Variants in KIF23 observed in about 807,000 individuals in gnomAD.
KIF23 encodes the protein kinesin-like protein KIF23.
A neutral mutation model predicts 137.5 loss-of-function variants in KIF23; 30 were observed. That is an observed-to-expected ratio of 0.22 (90% CI 0.16 to 0.30). KIF23 has a LOEUF of 0.30. KIF23 is among the 10% of genes least tolerant of loss of function. The pLI, the probability that KIF23 is intolerant of heterozygous loss-of-function variation, is 1.00. For synonymous variants in KIF23, 367 were observed against 391.1 expected (o/e 0.94, Z 0.73); for missense variants, 920 against 1,194.3 (o/e 0.77, Z 3.38).
At chr15:69,447,492 TG>T (rs761881727) in intron 23 of KIF23, among the ~76,000 whole-genome samples, 30 of 152,160 alleles carry the variant, frequency 2.0e-4, no homozygotes, top group Non-Finnish European at 3.1e-4. Flanking sequence ...CATACATATA[TG>T]TATATCACAT....
At chr15:69,434,475 G>T in intron 11 of KIF23, 2 of 574,190 alleles carry the variant, frequency 3.5e-6, no homozygotes, top group South Asian at 2.0e-5. Flanking sequence ...CAATATTCTG[G>T]CCTTTCCACC....
intron 10 of KIF23, among the ~76,000 whole-genome samples, chr15:69,426,939 T>G (rs1022439767): frequency 1.3e-5 from 2 of 152,134 alleles, no homozygotes; most frequent in African/African-American, 4.8e-5. Flanking sequence ...TGTTACATAG[T>G]GTTTACATTG....
chr15:69,447,475 A>G (rs2057764586), intron 23 of KIF23, among the ~76,000 whole-genome samples: 1 of 152,200 alleles, frequency 6.6e-6, no homozygotes, highest in Non-Finnish European at 1.5e-5. Flanking sequence ...TCCCTTCTTT[A>G]CAAATACATA....
intron 7 of KIF23, among the ~76,000 whole-genome samples, chr15:69,424,588 C>T (rs1220618836): frequency 1.3e-5 from 2 of 152,182 alleles, no homozygotes; most frequent in African/African-American, 4.8e-5. Flanking sequence ...CAGCCAACCT[C>T]CTGGGTTCAG....
At position 69,436,119 on chromosome 15, in the gene KIF23, C is replaced by T; in HGVS notation, c.1315-19C>T. On this transcript the variant is annotated intron_variant, in intron 13 of 23. Coordinates refer to ENST00000679126, the MANE Select transcript of KIF23 (RefSeq NM_001367805.3). ...GATATCCTTATTTTTTTTTAAACTC[C>T]ATTTGTTTTGTGTTTTAGCAAGTCA... is the stretch of plus-strand genomic sequence containing the variant. 1 of 1,596,834 alleles carries T rather than the reference C, an allele frequency of 6.3e-7. No homozygotes were observed. Among genetic ancestry groups the T allele is most frequent in the African/African-American group, 1.4e-5 (1 of 73,652 alleles).
At position 69,426,446 on chromosome 15, in the gene KIF23, A is replaced by G. The variant is rs371566402; in HGVS notation, c.1000A>G (p.Asn334Asp). Residue 334 changes from asparagine to aspartate, a missense_variant, in exon 10 of 24, where the codon AAT becomes GAT. By Grantham distance (23) the Asn-to-Asp change is conservative. Transcript: ENST00000679126. ...VQAPLDADGDNVLQEKEQITI... is the reference protein window; with the variant it reads ...VQAPLDADGDDVLQEKEQITI... ...GGCTCCCTTGGATGCAGATGGAGAC[A>G]ATGTCTTACAGGTAAAGTTGTAGTA... The G allele has an allele frequency of 6.2e-7, 1 of 1,614,098 alleles. No individual in the cohort carries two copies. The highest frequency in any genetic ancestry group is 8.5e-7 in the Non-Finnish European group (1 of 1,179,964).
intron 22 of KIF23, 104 bp downstream of exon 22, chr15:69,446,468 A>G: frequency 2.3e-6 from 2 of 859,248 alleles, no homozygotes; most frequent in Non-Finnish European, 3.8e-6. Flanking sequence ...GCTGAGGTAT[A>G]ATCTCACATT....
chr15:69,446,628 T>A (rs561338330), intron 22 of KIF23: 2 of 616,462 alleles, frequency 3.2e-6, no homozygotes, highest in Admixed American at 2.8e-5. Flanking sequence ...AGCCACCAAC[T>A]CTCTTTGCAA....
At chr15:69,436,308 TTC>T in intron 14 of KIF23, 47 bp downstream of exon 14, 5 of 1,564,102 alleles carry the variant, frequency 3.2e-6, no homozygotes, top group Admixed American at 4.3e-5. Context: ...GTCTGTCTGT[TTC>T]TCTCTTTTTT....
Position 69,444,707 on chromosome 15 carries a change from T to C in KIF23, c.2422-83T>C. ...TTAGCTTTGGAAAGGTTTGCTATGA[T>C]ACTGTCATCAACTAATGTAGCCAAA... On this transcript the variant is annotated intron_variant, in intron 19 of 23. Transcript: ENST00000679126. The surrounding 1 kb of genome is among the most constrained non-coding windows in gnomAD (Gnocchi z 4.2). The C allele has an allele frequency of 7.3e-7, 1 of 1,376,206 alleles. No individual in the cohort carries two copies. Among genetic ancestry groups the C allele is most frequent in the East Asian group, 2.3e-5 (1 of 43,342 alleles). The allele number at this position is 1,376,206 out of a possible 1,614,324, so 85.2% of individuals were successfully genotyped here.
intron 11 of KIF23, chr15:69,434,921 C>T: frequency 1.4e-6 from 1 of 699,194 alleles, no homozygotes; most frequent in Non-Finnish European, 2.5e-6. Context: ...GCTCGTGGTG[C>T]AGGTTGCAGC....
chr15:69,428,677 A>C (rs58085042), intron 10 of KIF23, among the ~76,000 whole-genome samples: 2 of 151,666 alleles, frequency 1.3e-5, no homozygotes, highest in South Asian at 2.1e-4. Flanking sequence ...AAAAAAAAAA[A>C]AAAAAAAACA....
chr15:69,444,851 C>T lies in KIF23; in HGVS notation c.2483C>T (p.Ser828Phe). 1 of 1,614,198 alleles carries T rather than the reference C, an allele frequency of 6.2e-7. No individual in the cohort carries two copies. Among genetic ancestry groups the T allele is most frequent in the Non-Finnish European group, 8.5e-7 (1 of 1,180,030 alleles). ...PIRLRHRRSRSAGDRWVDHKP... is the reference protein window; with the variant it reads ...PIRLRHRRSRFAGDRWVDHKP... ...CGTCTCCGACACAGACGATCACGCT[C>T]TGCAGGAGACAGATGGGTAGATCAT... Residue 828 changes from serine (S) to phenylalanine (F), a missense_variant, in exon 20 of 24, where the codon TCT (serine) becomes TTT (phenylalanine). Physicochemically the swap from Ser to Phe is radical, Grantham distance 155. This residue lies in a region of KIF23 where 714 missense variants were observed against 866.2 expected (regional missense o/e 0.82). Transcript: ENST00000679126. The surrounding 1 kb of genome is among the most constrained non-coding windows in gnomAD (Gnocchi z 4.2).
At chr15:69,419,992 T>G (rs1339981723) in intron 3 of KIF23, among the ~76,000 whole-genome samples, 1 of 152,166 alleles carries the variant, frequency 6.6e-6, no homozygotes, top group African/African-American at 2.4e-5. Flanking sequence ...CTGCCGGGCA[T>G]GATGGTTTAC....
In KIF23 at chr15:69,435,741, C is replaced by T. The variant is rs1051983215; in HGVS notation, c.1284C>T (p.Asn428=). 2 of 1,614,010 alleles carry T rather than the reference C, an allele frequency of 1.2e-6. No homozygotes were observed. The highest frequency in any genetic ancestry group is 2.7e-5 in the African/African-American group (2 of 74,926). The change falls in exon 13 of 24, where the codon AAC becomes AAT. Residue 428 remains asparagine, a synonymous_variant. Transcript: ENST00000679126. ...AAGTGCGGATGATCGTGTGTGTGAA[C>T]CCCAAGGCTGAAGATTATGAAGAAA... The part of the protein sequence containing the change: ...EGKVRMIVCV[N]PKAEDYEENL...
In KIF23 at chr15:69,440,772, C is replaced by T. The variant is rs868704938; in HGVS notation, c.2114C>T (p.Ser705Phe). The T allele has an allele frequency of 2.4e-5, 38 of 1,587,418 alleles. 1 individual carries two copies. In the Middle Eastern group the frequency reaches 6.7e-4, roughly 28 times the overall value. ...ATTTTTCTCCAATTTTTCTAGCTTT[C>T]TAGTAACTATATTGCTCAGATTTCC... ...RSVSPSPVPL[S>F]SNYIAQISNG... is the part of the protein sequence containing the mutation. Residue 705 changes from serine to phenylalanine, a missense_variant, in exon 19 of 24, where the codon TCT (serine) becomes TTT (phenylalanine). Ser to Phe is a radical substitution (Grantham distance 155, BLOSUM62 -2). Coordinates refer to ENST00000679126, the MANE Select transcript of KIF23 (RefSeq NM_001367805.3).
chr15:69,439,157 G>A (rs1202595647), intron 16 of KIF23, among the ~76,000 whole-genome samples: 1 of 152,132 alleles, frequency 6.6e-6, no homozygotes, highest in Non-Finnish European at 1.5e-5. Context: ...TGCTAAGGAG[G>A]AAATGTGAGT....
chr15:69,445,888 A>G (rs1241950397), intron 20 of KIF23, 121 bp from the exon 21 acceptor site: 7 of 739,488 alleles, frequency 9.5e-6, no homozygotes, highest in South Asian at 5.2e-5. Flanking sequence ...ACCAAGTACC[A>G]TCTGATTTTG....
intron 7 of KIF23, 88 bp downstream of exon 7, chr15:69,423,417 G>A: frequency 1.3e-6 from 1 of 791,070 alleles, no homozygotes; most frequent in Non-Finnish European, 1.9e-6. Context: ...AGTTATGAAA[G>A]AGAATAATGC....
Sources: allele counts gnomAD v4.1 joint callset (sites outside exome capture counted in the v4.1 genomes callset), GRCh38; gene constraint gnomAD v4.1.1; regional missense constraint gnomAD v4.1.1; non-coding constraint Gnocchi (gnomAD v3.1); transcripts MANE v1.5; gene names NCBI Gene and HGNC (gene_info 2026-07-23, HGNC 2026-07-21).